Variants in ADGRL2 observed in about 807,000 individuals in gnomAD.
The protein encoded by ADGRL2 is calcium-independent alpha-latrotoxin receptor 2.
Under a neutral mutation model 157.4 loss-of-function variants are expected in ADGRL2, and 44 were observed. The ratio of observed to expected loss-of-function variants is 0.28; its 90% CI spans 0.22 to 0.36. The LOEUF (loss-of-function observed/expected upper bound fraction) is 0.36, where lower values mean the gene tolerates loss of function less well. Ranked by LOEUF, ADGRL2 falls within the 10% of genes least tolerant of loss-of-function variation. ADGRL2 has a pLI of 1.00. For synonymous variants in ADGRL2, 585 were observed against 624.7 expected (o/e 0.94, Z 0.95); for missense variants, 1,510 against 1,768.9 (o/e 0.85, Z 2.63).
intron 1 of ADGRL2, among the ~76,000 whole-genome samples, chr1:81,724,076 GTTA>G (rs1201013645): frequency 1.3e-5 from 2 of 151,912 alleles, no homozygotes; most frequent in Non-Finnish European, 2.9e-5. Context: ...CATCATCACT[GTTA>G]TTATCATTAA....
chr1:81,370,265 C>A (rs2076138817), intron 1 of ADGRL2, among the ~76,000 whole-genome samples: 1 of 152,096 alleles, frequency 6.6e-6, no homozygotes, highest in Non-Finnish European at 1.5e-5. Flanking sequence ...AGAAACTGAA[C>A]TTTGGCATTG....
intron 3 of ADGRL2, among the ~76,000 whole-genome samples, chr1:81,925,074 G>A (rs969471909): frequency 6.6e-6 from 1 of 152,088 alleles, no homozygotes; most frequent in Non-Finnish European, 1.5e-5. Context: ...AGATGATAAA[G>A]TGAATTCCTT....
chr1:81,801,828 C>A (rs1337658236), intron 1 of ADGRL2, among the ~76,000 whole-genome samples: 2 of 152,210 alleles, frequency 1.3e-5, no homozygotes, highest in African/African-American at 4.8e-5. Flanking sequence ...GTCTGCGCAC[C>A]TCTGTCAGGC....
chr1:81,954,784 A>T (rs907144685), intron 10 of ADGRL2, among the ~76,000 whole-genome samples: 1 of 152,204 alleles, frequency 6.6e-6, no homozygotes, highest in Non-Finnish European at 1.5e-5. Flanking sequence ...GGATTAAGCT[A>T]ATTAATCTTA....
intron 2 of ADGRL2, among the ~76,000 whole-genome samples, chr1:81,852,409 T>C (rs932529151): frequency 6.6e-5 from 10 of 152,136 alleles, no homozygotes; most frequent in African/African-American, 2.4e-4. Context: ...GAGATACTTA[T>C]GAATCTAATC....
intron 3 of ADGRL2, among the ~76,000 whole-genome samples, chr1:81,673,271 G>A (rs2082911354): frequency 6.6e-6 from 1 of 152,000 alleles, no homozygotes; most frequent in African/African-American, 2.4e-5. Flanking sequence ...TGATCTTAAA[G>A]TAACCAATAT....
chr1:81,332,498 G>T (rs972590455), intron 1 of ADGRL2, among the ~76,000 whole-genome samples: 2 of 152,082 alleles, frequency 1.3e-5, no homozygotes, highest in Non-Finnish European at 2.9e-5. Flanking sequence ...ATCAAATTTA[G>T]CAGTATCTAT....
chr1:81,503,265 C>T, intron 2 of ADGRL2: 14 of 1,614,190 alleles, frequency 8.7e-6, no homozygotes, highest in South Asian at 6.6e-5. Flanking sequence ...GCATTGGGAG[C>T]GTTAACATGT....
At chr1:81,499,118 T>C (rs2078789923) in intron 2 of ADGRL2, among the ~76,000 whole-genome samples, 1 of 152,234 alleles carries the variant, frequency 6.6e-6, no homozygotes, top group South Asian at 2.1e-4. Flanking sequence ...CACATGAAGC[T>C]TGTACAGCAA....
Position 81,991,204 on chromosome 1 carries a change from T to C in ADGRL2, c.*59T>C. 6.8e-7 allele frequency: 1 copy of C among 1,477,560 alleles called. No individual in the cohort carries two copies. Among genetic ancestry groups the C allele is most frequent in the Non-Finnish European group, 9.1e-7 (1 of 1,097,198 alleles). 91.5% of individuals were successfully genotyped at this position (1,477,560 alleles called of 1,614,324 possible). ...GAGTATTAATAAATAAAGACACCATTGGCCTGACGCAGCTCCCTCAAACTC... is the reference window on the plus strand; with the variant it reads ...GAGTATTAATAAATAAAGACACCATCGGCCTGACGCAGCTCCCTCAAACTC... On this transcript the variant is annotated 3_prime_UTR_variant, in exon 24 of 24. Coordinates refer to ENST00000686636, the MANE Select transcript of ADGRL2 (RefSeq NM_001366006.2).
intron 1 of ADGRL2, among the ~76,000 whole-genome samples, chr1:81,356,885 G>A (rs1663336444): frequency 1.4e-5 from 2 of 141,206 alleles, no homozygotes; most frequent in Admixed American, 7.8e-5. Context: ...CCCGGGAGGC[G>A]GAGCTTGCAG....
At chr1:81,476,399 G>T (rs923071821) in intron 2 of ADGRL2, among the ~76,000 whole-genome samples, 71 of 152,014 alleles carry the variant, frequency 4.7e-4, no homozygotes, top group Admixed American at 4.6e-3. Context: ...TCAGAAACTG[G>T]GTATGAGCCA....
intron 2 of ADGRL2, among the ~76,000 whole-genome samples, chr1:81,903,715 T>TTATATATATATATATACTCATTA (rs201399955): frequency 1.4e-5 from 2 of 145,168 alleles, no homozygotes; most frequent in East Asian, 4.0e-4. Flanking sequence ...TATATATTCA[T>TTATATATATATATATACTCATTA]TATATATATA....
At chr1:81,885,862 A>G (rs2094116671) in intron 2 of ADGRL2, among the ~76,000 whole-genome samples, 1 of 152,200 alleles carries the variant, frequency 6.6e-6, no homozygotes, top group Admixed American at 6.5e-5. Context: ...TTATGTGTGC[A>G]CTGAAATAAT....
chr1:81,663,641 A>C (rs931673561), intron 3 of ADGRL2, among the ~76,000 whole-genome samples: 4 of 152,094 alleles, frequency 2.6e-5, no homozygotes, highest in African/African-American at 7.2e-5. Flanking sequence ...TATCATTGTA[A>C]TTTGGTCATT....
At chr1:81,536,305 T>C (rs2079735762) in intron 2 of ADGRL2, among the ~76,000 whole-genome samples, 1 of 152,164 alleles carries the variant, frequency 6.6e-6, no homozygotes, top group Non-Finnish European at 1.5e-5. Context: ...TTACTGGTTT[T>C]TTTTAAGTTG....
chr1:81,924,454 C>G (rs2095058690), intron 3 of ADGRL2, among the ~76,000 whole-genome samples: 1 of 152,058 alleles, frequency 6.6e-6, no homozygotes, highest in African/African-American at 2.4e-5. Flanking sequence ...AAGGTTGCCT[C>G]TGTTAGGATG....
chr1:81,808,470 TTTTG>T (rs138764766), intron 1 of ADGRL2, among the ~76,000 whole-genome samples: 40,996 of 151,652 alleles, frequency 0.27, 6,140 homozygotes, highest in East Asian at 0.69. Context: ...TGCTTTTCAT[TTTTG>T]TTTTGTTTTT....
intron 2 of ADGRL2, among the ~76,000 whole-genome samples, chr1:81,782,084 A>C (rs1246104468): frequency 6.6e-6 from 1 of 152,192 alleles, no homozygotes; most frequent in Admixed American, 6.5e-5. Context: ...TAAAATATTT[A>C]ATAATGTGTA....
Sources: allele counts gnomAD v4.1 joint callset (sites outside exome capture counted in the v4.1 genomes callset), GRCh38; gene constraint gnomAD v4.1.1; transcripts MANE v1.5; gene names NCBI Gene and HGNC (gene_info 2026-07-23, HGNC 2026-07-21).